Variants in APP observed in about 807,000 individuals in gnomAD.
The protein encoded by APP is amyloid beta precursor protein, also known as amyloid-beta precursor protein.
APP carries 31 observed loss-of-function variants against 101.4 expected under a neutral mutation model. That is an observed-to-expected ratio of 0.31 (90% CI 0.23 to 0.41). The LOEUF (loss-of-function observed/expected upper bound fraction) is 0.41, where lower values mean the gene tolerates loss of function less well. APP is among the 10% of genes least tolerant of loss of function. APP has a pLI of 1.00. For missense variants in APP, 839 were observed against 1,003.7 expected (o/e 0.84, Z 2.22); for synonymous variants, 366 against 364.4 (o/e 1.00, Z -0.05).
At chr21:25,969,905 A>AGAGGGGAGGGGAGGGGAAGGGAGGG (rs796868333) in intron 11 of APP, among the ~76,000 whole-genome samples, 1 of 79,360 alleles carries the variant, frequency 1.3e-5, no homozygotes. Context: ...AGAGAAGAGA[A>AGAGGGGAGGGGAGGGGAAGGGAGGG]GAGGGGAGGG....
chr21:25,940,656 T>G (rs202198372), intron 13 of APP, among the ~76,000 whole-genome samples: 1 of 152,240 alleles, frequency 6.6e-6, no homozygotes, highest in Admixed American at 6.5e-5. Flanking sequence ...CCTTTGGGTT[T>G]TCACCTTAAA....
intron 1 of APP, among the ~76,000 whole-genome samples, chr21:26,118,198 T>C (rs988392338): frequency 1.3e-5 from 2 of 152,196 alleles, no homozygotes; most frequent in African/African-American, 4.8e-5. Flanking sequence ...TAGGAGTCTT[T>C]GTTATTCACT....
intron 5 of APP, among the ~76,000 whole-genome samples, chr21:26,034,388 T>C (rs1189537800): frequency 2.0e-5 from 3 of 152,124 alleles, no homozygotes; most frequent in Non-Finnish European, 4.4e-5. Context: ...CTCAGGCCTG[T>C]AATCCCAGCA....
intron 13 of APP, among the ~76,000 whole-genome samples, chr21:25,917,738 C>T (rs112590298): frequency 0.048 from 7,366 of 152,152 alleles, 595 homozygotes; most frequent in African/African-American, 0.17. Context: ...CCTGTAAAGT[C>T]TGGCTGTTAA....
At position 26,112,146 on chromosome 21, in the gene APP, C is replaced by A; in HGVS notation, c.58G>T (p.Val20Leu). 6.2e-7 allele frequency: 1 copy of A among 1,613,786 alleles called. No individual in the cohort carries two copies. Among genetic ancestry groups the A allele is most frequent in the Non-Finnish European group, 8.5e-7 (1 of 1,179,926 alleles). ...AGGCCAGCATTACCATCAGTGGGTACCTGAAAGAAGAAGCTTCAGTTAGTT... is the reference window on the plus strand; with the variant it reads ...AGGCCAGCATTACCATCAGTGGGTAACTGAAAGAAGAAGCTTCAGTTAGTT... ...LAAWTARALEVPTDGNAGLLA... is the reference protein window; with the variant it reads ...LAAWTARALELPTDGNAGLLA... The change falls in exon 2 of 18, where the codon GTA (valine) becomes TTA (leucine). Residue 20 changes from valine (V) to leucine (L), a missense_variant and splice_region_variant. By Grantham distance (32) the Val-to-Leu change is conservative (BLOSUM62 1). Transcript: ENST00000346798.
chr21:26,039,516 C>A (rs1462535621), intron 5 of APP, among the ~76,000 whole-genome samples: 2 of 152,184 alleles, frequency 1.3e-5, no homozygotes, highest in African/African-American at 2.4e-5. Context: ...CAAATAATTT[C>A]TAATATCAAA....
chr21:26,103,870 G>T (rs1568978674), intron 2 of APP, among the ~76,000 whole-genome samples: 1 of 152,192 alleles, frequency 6.6e-6, no homozygotes, highest in South Asian at 2.1e-4. Context: ...AACACTTTGG[G>T]TCTGTAGGGC....
chr21:26,015,354 A>T (rs1362647054), intron 6 of APP, among the ~76,000 whole-genome samples: 1 of 152,212 alleles, frequency 6.6e-6, no homozygotes, highest in African/African-American at 2.4e-5. Flanking sequence ...AAATTAATTA[A>T]TTTAATCCTC....
chr21:26,126,835 CACAGAA>C (rs2062694614), intron 1 of APP, among the ~76,000 whole-genome samples: 1 of 151,910 alleles, frequency 6.6e-6, no homozygotes, highest in Non-Finnish European at 1.5e-5. Context: ...TCTATTTGTT[CACAGAA>C]CAAAATTAGC....
intron 11 of APP, among the ~76,000 whole-genome samples, chr21:25,970,047 T>A (rs2041972273): frequency 6.6e-6 from 1 of 151,392 alleles, no homozygotes. Flanking sequence ...AATAAATAAA[T>A]CCGAGTTAAG....
chr21:26,014,356 G>A (rs2146742545), intron 6 of APP, among the ~76,000 whole-genome samples: 2 of 152,308 alleles, frequency 1.3e-5, no homozygotes, highest in East Asian at 3.9e-4. Context: ...TGAGAATTAA[G>A]CTAAGCTTTG....
intron 1 of APP, among the ~76,000 whole-genome samples, chr21:26,160,180 T>G (rs569064679): frequency 1.3e-5 from 2 of 152,256 alleles, no homozygotes; most frequent in African/African-American, 2.4e-5. Flanking sequence ...CCTCTCCTAT[T>G]TCACTGAACA....
At chr21:25,999,797 C>G (rs570451292) in intron 7 of APP, among the ~76,000 whole-genome samples, 2 of 152,302 alleles carry the variant, frequency 1.3e-5, no homozygotes, top group East Asian at 3.9e-4. Context: ...AGGAAGAGAA[C>G]ACATCCATGG....
At chr21:25,936,071 C>T (rs138154138) in intron 13 of APP, among the ~76,000 whole-genome samples, 11 of 152,160 alleles carry the variant, frequency 7.2e-5, no homozygotes, top group South Asian at 2.1e-4. Flanking sequence ...AGCTGAGGAA[C>T]GATGAAGAGG....
At chr21:26,115,860 T>A (rs1431006313) in intron 1 of APP, among the ~76,000 whole-genome samples, 4 of 152,218 alleles carry the variant, frequency 2.6e-5, no homozygotes, top group African/African-American at 4.8e-5. Flanking sequence ...AAAAGAAATA[T>A]AAATACCTTA....
At chr21:26,117,414 T>C (rs2062458967) in intron 1 of APP, among the ~76,000 whole-genome samples, 1 of 152,240 alleles carries the variant, frequency 6.6e-6, no homozygotes, top group Non-Finnish European at 1.5e-5. Context: ...TTCTTTTAAA[T>C]GCCAAAAAAG....
intron 5 of APP, among the ~76,000 whole-genome samples, chr21:26,033,587 T>C (rs1269627593): frequency 6.6e-6 from 1 of 152,184 alleles, no homozygotes; most frequent in Non-Finnish European, 1.5e-5. Flanking sequence ...AGCTCTGCTC[T>C]TTTATGAAGG....
intron 1 of APP, among the ~76,000 whole-genome samples, chr21:26,142,791 GA>G (rs11405152): frequency 2.7e-5 from 4 of 150,704 alleles, no homozygotes; most frequent in Non-Finnish European, 5.9e-5. Flanking sequence ...AAGAAAAAGT[GA>G]AAAAAAACAA....
chr21:25,996,149 T>C lies in APP; in HGVS notation c.1090+1211A>G, dbSNP rs528210816. ...ATTTTAAAACTAAACTCGTCTGATATTACAACTGAAATAAAAACAAAACAT... is the reference window on the plus strand; with the variant it reads ...ATTTTAAAACTAAACTCGTCTGATACTACAACTGAAATAAAAACAAAACAT... On this transcript the variant is annotated intron_variant, in intron 8 of 17. Coordinates refer to ENST00000346798, the MANE Select transcript of APP (RefSeq NM_000484.4). Among the ~76,000 whole-genome samples the C allele has an allele frequency of 7.9e-4, 121 of 152,324 alleles. 1 individual carries two copies. Among genetic ancestry groups the C allele is most frequent in the Admixed American group, 6.5e-4 (10 of 15,302 alleles).
Sources: allele counts gnomAD v4.1 joint callset (sites outside exome capture counted in the v4.1 genomes callset), GRCh38; gene constraint gnomAD v4.1.1; transcripts MANE v1.5; gene names NCBI Gene and HGNC (gene_info 2026-07-23, HGNC 2026-07-21).